ELFN1: variants seen among roughly 807,000 people sequenced by gnomAD.
The protein encoded by ELFN1 is extracellular leucine rich repeat and fibronectin type III domain containing 1.
ELFN1 carries 6 observed loss-of-function variants against 7.6 expected under a neutral mutation model. The observed-to-expected ratio is 0.79, with a 90% confidence interval of 0.43 to 1.56. The LOEUF is 1.56. Among genes scored for constraint, ELFN1 ranks in the 40% most tolerant of loss-of-function variants. The probability of loss-of-function intolerance (pLI) is 0.01; values close to 1 mark genes in which losing one functional copy is unlikely to be tolerated. For missense variants in ELFN1, 1,169 were observed against 1,232.2 expected (o/e 0.95, Z 0.77); for synonymous variants, 657 against 588.1 (o/e 1.12, Z -1.70).
intron 3 of ELFN1, among the ~76,000 whole-genome samples, chr7:1,715,533 G>A (rs1310087180): frequency 6.6e-6 from 1 of 152,134 alleles, no homozygotes; most frequent in East Asian, 1.9e-4. Context: ...CCAGCACCTG[G>A]GTCTCCTGCC....
In ELFN1 at chr7:1,739,083, C is replaced by A. The variant is rs1262860549; in HGVS notation, c.-293-5221C>A. ...GAGTGAGAAGGAGCGGAGGCCCATC[C>A]AGTGGGCCCTGGAGATTGTGTCTGG... On this transcript the variant is annotated intron_variant, in intron 3 of 3. Transcript: ENST00000424383. This position sits in a 1 kb window ranked among gnomAD's most constrained non-coding sequence, Gnocchi z 4.6. 3 of 152,142 alleles carry A rather than the reference C, an allele frequency of 2.0e-5. No individual in the cohort carries two copies. The highest frequency in any genetic ancestry group is 7.2e-5 in the African/African-American group (3 of 41,394). The allele number at this position is 152,142 out of a possible 1,614,324, so 9.4% of individuals were successfully genotyped here.
chr7:1,742,045 C>T (rs1014349749), intron 3 of ELFN1, among the ~76,000 whole-genome samples: 9 of 152,168 alleles, frequency 5.9e-5, no homozygotes, highest in Non-Finnish European at 1.0e-4. Context: ...CACAGGTATA[C>T]ATGTGTCCAC....
chr7:1,678,838 A>T (rs1267025499), intron 1 of ELFN1, among the ~76,000 whole-genome samples: 2 of 152,222 alleles, frequency 1.3e-5, no homozygotes, highest in African/African-American at 4.8e-5. Flanking sequence ...TATTTGGCAC[A>T]GCAGCGAAAT....
chr7:1,712,706 A>T (rs550835786), intron 3 of ELFN1, among the ~76,000 whole-genome samples: 1 of 152,196 alleles, frequency 6.6e-6, no homozygotes, highest in African/African-American at 2.4e-5. Context: ...TGCTGGGATT[A>T]CAGGTGTGAG....
intron 1 of ELFN1, among the ~76,000 whole-genome samples, chr7:1,676,808 C>T (rs1423391630): frequency 2.6e-5 from 4 of 152,194 alleles, no homozygotes; most frequent in East Asian, 1.9e-4. Flanking sequence ...CCCCAGGGTC[C>T]GGGCTGCTCC....
chr7:1,699,079 C>T (rs144652860), intron 2 of ELFN1, among the ~76,000 whole-genome samples: 331 of 152,342 alleles, frequency 2.2e-3, no homozygotes, highest in Non-Finnish European at 3.7e-3. Flanking sequence ...GCACATTGCA[C>T]CTGCGAAATT....
At chr7:1,700,205 G>A (rs1036030426) in intron 2 of ELFN1, among the ~76,000 whole-genome samples, 6 of 152,118 alleles carry the variant, frequency 3.9e-5, no homozygotes, top group Non-Finnish European at 4.4e-5. Flanking sequence ...GGAACAAGCC[G>A]TCTATACAGC....
intron 2 of ELFN1, among the ~76,000 whole-genome samples, chr7:1,707,428 G>A (rs530773070): frequency 6.6e-6 from 1 of 152,362 alleles, no homozygotes; most frequent in South Asian, 2.1e-4. Flanking sequence ...GCGGGAGGCT[G>A]GTGGGCAAAC....
chr7:1,725,647 A>G (rs1208891039), intron 3 of ELFN1, among the ~76,000 whole-genome samples: 1 of 152,080 alleles, frequency 6.6e-6, no homozygotes, highest in African/African-American at 2.4e-5. Flanking sequence ...CAGCTGTCGG[A>G]CGCCCGCCTG....
chr7:1,745,184 C>A lies in ELFN1; in HGVS notation c.588C>A (p.Cys196Ter). The change falls in exon 4 of 4, where the codon TGC (cysteine) becomes TGA (stop). Residue 196 changes from cysteine (C) to a stop codon, truncating the protein, a stop_gained. Coordinates refer to ENST00000424383, the MANE Select transcript of ELFN1 (RefSeq NM_001128636.4). LOFTEE classifies it low-confidence loss of function (END_TRUNC). ...ELYSNPFYCS[C>*]ELLGFLRWLA... ...ACAGCAACCCCTTCTACTGCTCCTG[C>A]GAGCTGCTGGGCTTCCTGCGCTGGC... 1 of 1,547,298 alleles carries A rather than the reference C, an allele frequency of 6.5e-7. No individual in the cohort carries two copies. The highest frequency in any genetic ancestry group is 8.7e-7 in the Non-Finnish European group (1 of 1,146,960).
Position 1,739,997 on chromosome 7 carries a change from T to A in ELFN1, c.-293-4307T>A, listed in dbSNP as rs1469263312. On this transcript the variant is annotated intron_variant, in intron 3 of 3. Transcript: ENST00000424383. This position sits in a 1 kb window ranked among gnomAD's most constrained non-coding sequence, Gnocchi z 4.6. ...CTACGAGTTCCAATACGGCAGCTAC[T>A]AGCCACGTTTCTGGCACTCCAGAGC... Among the ~76,000 whole-genome samples, 1 of 152,234 alleles carries A rather than the reference T, an allele frequency of 6.6e-6. No individual in the cohort carries two copies. The highest frequency in any genetic ancestry group is 1.5e-5 in the Non-Finnish European group (1 of 68,028).
intron 2 of ELFN1, among the ~76,000 whole-genome samples, chr7:1,699,274 G>T (rs774638323): frequency 2.0e-5 from 3 of 152,140 alleles, no homozygotes; most frequent in Non-Finnish European, 4.4e-5. Flanking sequence ...GTTTTGTAGA[G>T]ACATGTTGAT....
Position 1,747,740 on chromosome 7 carries a change from T to A in ELFN1, c.*657T>A. On this transcript the variant is annotated 3_prime_UTR_variant, in exon 4 of 4. Coordinates refer to ENST00000424383, the MANE Select transcript of ELFN1 (RefSeq NM_001128636.4). ...AGGCTGTGCCTGTGGACGGCCGGGG[T>A]GGCCAGGACGGCCAAGGGCTGGGAG... 6.1e-6 allele frequency: 1 copy of A among 165,004 alleles called. No individual in the cohort carries two copies. The allele number at this position is 165,004 out of a possible 1,614,324, so 10.2% of individuals were successfully genotyped here. A position where few individuals can be genotyped will look rare whatever the true frequency, so the allele number is the denominator to read the frequency against.
In ELFN1 at chr7:1,745,405, C is replaced by T; in HGVS notation, c.809C>T (p.Ser270Leu). 6.5e-7 allele frequency: 1 copy of T among 1,538,984 alleles called. No individual in the cohort carries two copies. Among genetic ancestry groups the T allele is most frequent in the Non-Finnish European group, 8.7e-7 (1 of 1,145,890 alleles). Reference sequence around the variant, plus strand: ...CCCCCACGTCCAGCATCCGGGCGCTCACAGCCGGGCCGCTCCCCGCCGCCC... The same window carrying T: ...CCCCCACGTCCAGCATCCGGGCGCTTACAGCCGGGCCGCTCCCCGCCGCCC... ...VGPPRPASGR[S>L]QPGRSPPPPP... The change falls in exon 4 of 4, where the codon TCA (serine) becomes TTA (leucine). Residue 270 changes from serine (S) to leucine (L), a missense_variant. Physicochemically the swap from Ser to Leu is moderately radical, Grantham distance 145. Transcript: ENST00000424383.
At position 1,744,503 on chromosome 7, in the gene ELFN1, C is replaced by G. The variant is rs960974191; in HGVS notation, c.-94C>G. The G allele has an allele frequency of 2.9e-6, 4 of 1,361,710 alleles. No individual in the cohort carries two copies. In the African/African-American group the frequency reaches 4.5e-5, roughly 15 times the overall value. 84.4% of individuals were successfully genotyped at this position (1,361,710 alleles called of 1,614,324 possible). On this transcript the variant is annotated 5_prime_UTR_variant, in exon 4 of 4. Transcript: ENST00000424383. ...CCCCTGAGAGTGCAGGCACCTCCCCCTCCCGCCCCTCCATCCCTCTGGGGG... is the reference window on the plus strand; with the variant it reads ...CCCCTGAGAGTGCAGGCACCTCCCCGTCCCGCCCCTCCATCCCTCTGGGGG...
intron 3 of ELFN1, among the ~76,000 whole-genome samples, chr7:1,743,727 C>T (rs540664606): frequency 5.9e-5 from 9 of 152,324 alleles, no homozygotes; most frequent in East Asian, 3.9e-4. Flanking sequence ...GCGGACCCTG[C>T]GGTGAGTGCG....
chr7:1,731,319 A>G (rs931268640), intron 3 of ELFN1, among the ~76,000 whole-genome samples: 1 of 152,236 alleles, frequency 6.6e-6, no homozygotes, highest in African/African-American at 2.4e-5. Flanking sequence ...CTGAATGAAT[A>G]TTCAAATGGC....
chr7:1,686,712 G>A (rs901004171), intron 1 of ELFN1, among the ~76,000 whole-genome samples: 1 of 152,046 alleles, frequency 6.6e-6, no homozygotes, highest in African/African-American at 2.4e-5. Flanking sequence ...ACCCTCTTTT[G>A]TCTCCTCTGC....
At chr7:1,718,360 G>C (rs894863788) in intron 3 of ELFN1, among the ~76,000 whole-genome samples, 1 of 152,298 alleles carries the variant, frequency 6.6e-6, no homozygotes, top group Middle Eastern at 3.4e-3. Context: ...GACACCCTGG[G>C]GCCGCAGTAC....
Sources: allele counts gnomAD v4.1 joint callset (sites outside exome capture counted in the v4.1 genomes callset), GRCh38; gene constraint gnomAD v4.1.1; non-coding constraint Gnocchi (gnomAD v3.1); transcripts MANE v1.5; gene names NCBI Gene and HGNC (gene_info 2026-07-23, HGNC 2026-07-21).